ROR1: variants seen among roughly 807,000 people sequenced by gnomAD.
ROR1 encodes ROR family WNT receptor 1, also known as inactive tyrosine-protein kinase transmembrane receptor ROR1.
ROR1 carries 19 observed loss-of-function variants against 78.8 expected under a neutral mutation model. The ratio of observed to expected loss-of-function variants is 0.24; its 90% CI spans 0.17 to 0.35. The LOEUF is 0.35. ROR1 is among the 10% of genes least tolerant of loss of function. ROR1 has a pLI of 1.00. For missense variants in ROR1, 917 were observed against 1,177.8 expected (o/e 0.78, Z 3.24); for synonymous variants, 386 against 433.6 (o/e 0.89, Z 1.36).
chr1:63,863,488 G>A lies in ROR1; in HGVS notation c.91+88980G>A, dbSNP rs533629281. On this transcript the variant is annotated intron_variant, in intron 1 of 8. Transcript: ENST00000371079. Reference sequence around the variant, plus strand: ...TGCACATTGAGGTCCTGGACTAGATGTACAGAATGATCGTGATCACTGAGG... The same window carrying A: ...TGCACATTGAGGTCCTGGACTAGATATACAGAATGATCGTGATCACTGAGG... Among the ~76,000 whole-genome samples the A allele has an allele frequency of 3.3e-5, 5 of 152,282 alleles. No individual in the cohort carries two copies. The South Asian group carries it at 6.2e-4, about 19-fold the overall frequency.
chr1:64,120,111 C>T (rs527372973), intron 4 of ROR1, among the ~76,000 whole-genome samples: 2 of 152,166 alleles, frequency 1.3e-5, no homozygotes, highest in African/African-American at 4.8e-5. Flanking sequence ...TGGGCCTCCA[C>T]GTAGGGAACT....
intron 1 of ROR1, among the ~76,000 whole-genome samples, chr1:63,850,074 T>C (rs538259176): frequency 2.6e-5 from 4 of 152,264 alleles, no homozygotes; most frequent in South Asian, 2.1e-4. Context: ...ATAAATGCAC[T>C]GAGTGCTACT....
Position 64,117,629 on chromosome 1 carries a change from A to G in ROR1, c.483-19740A>G, listed in dbSNP as rs72916929. ...CAAAAGCATTTTCACATGCATTATC[A>G]TACAAAAACCCTGTGATACAGGCAC... is the stretch of plus-strand genomic sequence containing the variant. On this transcript the variant is annotated intron_variant, in intron 4 of 8. Transcript: ENST00000371079. Among the ~76,000 whole-genome samples, 3 of 152,174 alleles carry G rather than the reference A, an allele frequency of 2.0e-5. No homozygotes were observed. In the East Asian group the frequency reaches 5.8e-4, roughly 29 times the overall value.
At chr1:64,019,083 G>T (rs1270902615) in intron 2 of ROR1, among the ~76,000 whole-genome samples, 1 of 152,116 alleles carries the variant, frequency 6.6e-6, no homozygotes, top group African/African-American at 2.4e-5. Flanking sequence ...TATTTTATTG[G>T]TCTGGTGTAT....
intron 1 of ROR1, among the ~76,000 whole-genome samples, chr1:64,008,944 T>C (rs1466340067): frequency 1.3e-5 from 2 of 152,210 alleles, no homozygotes; most frequent in Non-Finnish European, 2.9e-5. Context: ...GACTTTTTAA[T>C]GATAGCCATT....
chr1:63,926,348 G>A (rs1460464098), intron 1 of ROR1, among the ~76,000 whole-genome samples: 2 of 151,768 alleles, frequency 1.3e-5, no homozygotes, highest in East Asian at 1.9e-4. Context: ...TATTTCTGAG[G>A]GCTCTGTTCT....
In ROR1 at chr1:64,142,554, T is replaced by C; in HGVS notation, c.1078T>C (p.Ser360Pro). 1 of 1,614,104 alleles carries C rather than the reference T, an allele frequency of 6.2e-7. No individual in the cohort carries two copies. The highest frequency in any genetic ancestry group is 8.5e-7 in the Non-Finnish European group (1 of 1,180,028). ...TTTCCCAGAGCTGAATGGAGGCCAT[T>C]CCTACTGCCGCAACCCAGGGAATCA... Reference protein sequence around the residue: ...LRFPELNGGHSYCRNPGNQKE... With the variant: ...LRFPELNGGHPYCRNPGNQKE... The change falls in exon 7 of 9, where the codon TCC becomes CCC. Residue 360 changes from serine (S) to proline (P), a missense_variant. By Grantham distance (74) the Ser-to-Pro change is moderately conservative (BLOSUM62 -1). Coordinates refer to ENST00000371079, the MANE Select transcript of ROR1 (RefSeq NM_005012.4).
At chr1:63,940,884 T>C (rs560519393) in intron 1 of ROR1, among the ~76,000 whole-genome samples, 1 of 152,158 alleles carries the variant, frequency 6.6e-6, no homozygotes, top group Non-Finnish European at 1.5e-5. Flanking sequence ...CATCCAGGTG[T>C]CCAGATGCAG....
At chr1:64,000,149 A>G (rs1472157414) in intron 1 of ROR1, among the ~76,000 whole-genome samples, 3 of 152,204 alleles carry the variant, frequency 2.0e-5, no homozygotes, top group African/African-American at 7.2e-5. Flanking sequence ...AGAAGAAAAA[A>G]TTGCCTGGAG....
chr1:64,152,461 A>G (rs967430684), intron 7 of ROR1, among the ~76,000 whole-genome samples: 3 of 152,198 alleles, frequency 2.0e-5, no homozygotes, highest in African/African-American at 7.2e-5. Flanking sequence ...CTATGTTGCT[A>G]TAAGTGCCAT....
Position 63,839,345 on chromosome 1 carries a change from CAT to C in ROR1, c.91+64838_91+64839del, listed in dbSNP as rs1645035798. Among the ~76,000 whole-genome samples, 5 of 147,178 alleles carry C rather than the reference CAT, an allele frequency of 3.4e-5. No homozygotes were observed. In the East Asian group the frequency reaches 1.0e-3, roughly 30 times the overall value. On this transcript the variant is annotated intron_variant, in intron 1 of 8. Transcript: ENST00000371079. ...GGTAAAAGAATGTCTGTCTCCATAT[CAT>C]CTATCTATCTATCTATCTATCTATC... is the stretch of plus-strand genomic sequence containing the variant.
intron 1 of ROR1, among the ~76,000 whole-genome samples, chr1:63,782,061 C>G (rs749378146): frequency 6.6e-6 from 1 of 152,132 alleles, no homozygotes; most frequent in Non-Finnish European, 1.5e-5. Flanking sequence ...TGCCCTCATT[C>G]ATTCATTGAT....
intron 1 of ROR1, among the ~76,000 whole-genome samples, chr1:63,838,459 T>C (rs1200153213): frequency 6.6e-6 from 1 of 152,080 alleles, no homozygotes; most frequent in Non-Finnish European, 1.5e-5. Flanking sequence ...CCTAGGCTAA[T>C]GTGTGTGTTT....
intron 4 of ROR1, among the ~76,000 whole-genome samples, chr1:64,082,327 A>G (rs1173179365): frequency 1.3e-5 from 2 of 152,222 alleles, no homozygotes; most frequent in African/African-American, 4.8e-5. Flanking sequence ...TTTAAAATAA[A>G]TTAAGGGTTG....
At chr1:63,955,354 C>T (rs1645972834) in intron 1 of ROR1, among the ~76,000 whole-genome samples, 2 of 152,046 alleles carry the variant, frequency 1.3e-5, no homozygotes, top group Admixed American at 1.3e-4. Flanking sequence ...TTTTTTTCCC[C>T]ATCTCCCTCA....
intron 1 of ROR1, among the ~76,000 whole-genome samples, chr1:63,806,648 G>A (rs1175738861): frequency 6.6e-6 from 1 of 152,138 alleles, no homozygotes; most frequent in Non-Finnish European, 1.5e-5. Context: ...ATAATTTAGT[G>A]TTTTGTTTTT....
At chr1:64,051,266 A>G (rs1471039026) in intron 4 of ROR1, among the ~76,000 whole-genome samples, 2 of 151,874 alleles carry the variant, frequency 1.3e-5, no homozygotes, top group Admixed American at 6.6e-5. Flanking sequence ...CCTGGCTAAC[A>G]TGGTGAAACC....
At chr1:64,009,242 C>T in intron 1 of ROR1, 63 bp from the exon 2 acceptor site, 2 of 1,223,192 alleles carry the variant, frequency 1.6e-6, no homozygotes, top group East Asian at 4.7e-5. Context: ...CTTCTAACAG[C>T]CTATAAATTA....
intron 1 of ROR1, among the ~76,000 whole-genome samples, chr1:63,863,590 G>A (rs1162986648): frequency 6.6e-6 from 1 of 152,110 alleles, no homozygotes; most frequent in Non-Finnish European, 1.5e-5. Context: ...CTGAAATGAA[G>A]GAAAGTGATT....
Sources: gnomAD v4.1 joint callset for allele counts (sites outside exome capture counted in the v4.1 genomes callset) on GRCh38, gnomAD v4.1.1 for gene constraint, MANE v1.5 for transcripts, NCBI Gene and HGNC (gene_info 2026-07-23, HGNC 2026-07-21) for gene names.